The following GALM variants were observed in gnomAD, a reference collection of about 807,000 sequenced individuals.
GALM encodes the protein aldose 1-epimerase.
In GALM, 43 loss-of-function variants were observed where a neutral mutation model predicts 37.4. The ratio of observed to expected loss-of-function variants is 1.15; its 90% CI spans 0.90 to 1.48. GALM has a LOEUF of 1.48. Among genes scored for constraint, GALM ranks in the 40% most tolerant of loss-of-function variants. The pLI is 0.00. For synonymous variants in GALM, 199 were observed against 170.6 expected (o/e 1.17, Z -1.30); for missense variants, 456 against 419.1 (o/e 1.09, Z -0.77).
At chr2:38,695,858 C>T (rs1665793751) in intron 4 of GALM, among the ~76,000 whole-genome samples, 1 of 151,670 alleles carries the variant, frequency 6.6e-6, no homozygotes, top group African/African-American at 2.4e-5. Context: ...GCCACCATAC[C>T]CGGATAATTT....
chr2:38,694,663 G>A (rs1489320623), intron 4 of GALM, among the ~76,000 whole-genome samples: 3 of 152,120 alleles, frequency 2.0e-5, no homozygotes, highest in Non-Finnish European at 4.4e-5. Flanking sequence ...CTGGGAGGCC[G>A]AGGCGGATGG....
intron 6 of GALM, among the ~76,000 whole-genome samples, chr2:38,732,538 A>G (rs1666628758): frequency 1.3e-5 from 2 of 152,174 alleles, no homozygotes; most frequent in Admixed American, 6.6e-5. Flanking sequence ...GAGCTTCCAT[A>G]TCGTCTCCTC....
intron 2 of GALM, among the ~76,000 whole-genome samples, chr2:38,677,317 C>T (rs1051251919): frequency 3.2e-4 from 48 of 152,122 alleles, no homozygotes; most frequent in African/African-American, 1.1e-3. Flanking sequence ...CACTAATGGC[C>T]ACAGTTTCTT....
intron 4 of GALM, among the ~76,000 whole-genome samples, chr2:38,715,776 C>T (rs1462315222): frequency 2.0e-5 from 3 of 152,206 alleles, no homozygotes; most frequent in Non-Finnish European, 2.9e-5. Flanking sequence ...TGTTATTTCC[C>T]TCTGCTACTG....
intron 1 of GALM, among the ~76,000 whole-genome samples, chr2:38,675,265 A>G (rs1474753327): frequency 1.3e-5 from 2 of 152,108 alleles, no homozygotes; most frequent in African/African-American, 2.4e-5. Context: ...GTGTGCACAT[A>G]AGAATATTAG....
rs768001335 is a variant in GALM at position 38,675,889 on chromosome 2, G to A, written c.191-23G>A. ...CAGCCTGAATTGAAGTTTTAAAAGT[G>A]CTGTCATCCCTTGTCCTTGCAGGAT... is the stretch of plus-strand genomic sequence containing the variant. On this transcript the variant is annotated intron_variant, in intron 1 of 6. Coordinates refer to ENST00000272252, the MANE Select transcript of GALM (RefSeq NM_138801.3). The A allele has an allele frequency of 3.7e-6, 6 of 1,613,234 alleles. No homozygotes were observed. In the East Asian group the frequency reaches 8.9e-5, roughly 24 times the overall value.
chr2:38,728,879 A>C (rs1465301549), intron 4 of GALM, among the ~76,000 whole-genome samples: 1 of 152,132 alleles, frequency 6.6e-6, no homozygotes, highest in Non-Finnish European at 1.5e-5. Context: ...GGTGGGCCAT[A>C]ATTTTAAGAG....
chr2:38,667,093 G>A (rs558509544), intron 1 of GALM, among the ~76,000 whole-genome samples: 4 of 152,272 alleles, frequency 2.6e-5, no homozygotes, highest in African/African-American at 9.6e-5. Flanking sequence ...CTCAGTAATT[G>A]CATAAATAAA....
chr2:38,698,474 T>C, intron 4 of GALM: 1 of 1,111,042 alleles, frequency 9.0e-7, no homozygotes, highest in South Asian at 1.4e-5. Flanking sequence ...TAGCAGTTAA[T>C]TTAGCTCTGC....
At chr2:38,696,163 A>G (rs538725134) in intron 4 of GALM, among the ~76,000 whole-genome samples, 12 of 151,762 alleles carry the variant, frequency 7.9e-5, no homozygotes, top group African/African-American at 2.7e-4. Flanking sequence ...CTTGTTGCCC[A>G]GGCTGGAGTG....
intron 4 of GALM, among the ~76,000 whole-genome samples, chr2:38,711,780 TGTCAC>T (rs1666169987): frequency 9.6e-5 from 6 of 62,220 alleles, no homozygotes; most frequent in African/African-American, 2.9e-4. Context: ...TCACCATCAC[TGTCAC>T]CACCATCACC....
intron 4 of GALM, among the ~76,000 whole-genome samples, chr2:38,716,777 G>C (rs527317651): frequency 6.4e-4 from 98 of 152,272 alleles, no homozygotes; most frequent in Non-Finnish European, 1.2e-3. Flanking sequence ...CCAGGAGTTT[G>C]AGGCTGCAGT....
chr2:38,712,211 G>C (rs1342038759), intron 4 of GALM, among the ~76,000 whole-genome samples: 2 of 152,180 alleles, frequency 1.3e-5, no homozygotes, highest in Non-Finnish European at 2.9e-5. Flanking sequence ...GCTTCATGCT[G>C]TCTGTTATAT....
intron 2 of GALM, 33 bp from the exon 3 acceptor site, chr2:38,681,247 C>G: frequency 6.6e-7 from 1 of 1,516,906 alleles, no homozygotes; most frequent in Non-Finnish European, 9.1e-7. Flanking sequence ...GAGGATGGAG[C>G]AACTACACAA....
chr2:38,702,487 C>T (rs1665939402), intron 4 of GALM, among the ~76,000 whole-genome samples: 1 of 152,030 alleles, frequency 6.6e-6, no homozygotes, highest in African/African-American at 2.4e-5. Context: ...CACCCAATAA[C>T]CTCTTCTTTG....
chr2:38,690,661 G>A (rs1004139803), intron 4 of GALM, among the ~76,000 whole-genome samples: 2 of 152,114 alleles, frequency 1.3e-5, no homozygotes, highest in East Asian at 1.9e-4. Context: ...TCAAACTCCT[G>A]GACTCAAGCA....
At chr2:38,708,810 G>A (rs554600214) in intron 4 of GALM, among the ~76,000 whole-genome samples, 7 of 152,146 alleles carry the variant, frequency 4.6e-5, no homozygotes, top group African/African-American at 1.7e-4. Context: ...GGGAAGTGGG[G>A]TCAAATAACA....
chr2:38,690,186 C>A (rs975319303), intron 4 of GALM, among the ~76,000 whole-genome samples: 1 of 152,020 alleles, frequency 6.6e-6, no homozygotes, highest in Non-Finnish European at 1.5e-5. Context: ...TAATACTTTA[C>A]TGGGGCTGGG....
intron 1 of GALM, among the ~76,000 whole-genome samples, chr2:38,667,650 A>C (rs549520431): frequency 2.9e-4 from 42 of 144,954 alleles, no homozygotes; most frequent in African/African-American, 9.3e-4. Flanking sequence ...TGCCCGGCTA[A>C]TTTTTTTGTG....
Sources: allele counts gnomAD v4.1 joint callset (sites outside exome capture counted in the v4.1 genomes callset), GRCh38; gene constraint gnomAD v4.1.1; transcripts MANE v1.5; gene names NCBI Gene and HGNC (gene_info 2026-07-23, HGNC 2026-07-21).